The following TOMM5 variants were observed in gnomAD, a reference collection of about 807,000 sequenced individuals.
The protein encoded by TOMM5 is translocase of outer mitochondrial membrane 5.
A neutral mutation model predicts 4.8 loss-of-function variants in TOMM5; 1 was observed. The ratio of observed to expected loss-of-function variants is 0.21; its 90% CI spans 0.07 to 0.99. TOMM5 has a LOEUF of 0.99. Among genes scored for constraint, TOMM5 ranks in the 50% least tolerant of loss-of-function variants. TOMM5 has a pLI of 0.60. For synonymous variants in TOMM5, 26 were observed against 26.7 expected, an observed-to-expected ratio of 0.97 and a Z score of 0.08; for missense variants, 60 against 66.6, an observed-to-expected ratio of 0.90 and a Z score of 0.35.
intron 1 of TOMM5, 49 bp downstream of exon 1, chr9:37,592,362 GT>G (rs1335537909): frequency 6.2e-7 from 1 of 1,612,462 alleles, no homozygotes; most frequent in Non-Finnish European, 8.5e-7. Flanking sequence ...AGGGGTGCCC[GT>G]CGGTGAGCTC....
At position 37,592,534 on chromosome 9, in the gene TOMM5, G is replaced by A; in HGVS notation, c.-2C>T. ...CGCGAGGCCCTCAATCCGGAACATC[G>A]CGGCTCTGACTTAGCAGCTTCCAGC... On this transcript the variant is annotated 5_prime_UTR_variant, in exon 1 of 2. Transcript: ENST00000321301. 2 of 1,612,330 alleles carry A rather than the reference G, an allele frequency of 1.2e-6. No individual in the cohort carries two copies. Among genetic ancestry groups the A allele is most frequent in the Non-Finnish European group, 8.5e-7 (1 of 1,179,330 alleles).
intron 1 of TOMM5, among the ~76,000 whole-genome samples, chr9:37,589,552 C>CAA (rs112972730): frequency 1.3e-5 from 2 of 151,538 alleles, no homozygotes; most frequent in African/African-American, 4.8e-5. Context: ...GTGTTGTGAC[C>CAA]AAAAAAAAGC....
At chr9:37,590,600 A>C (rs1823085084) in intron 1 of TOMM5, among the ~76,000 whole-genome samples, 1 of 152,230 alleles carries the variant, frequency 6.6e-6, no homozygotes, top group African/African-American at 2.4e-5. Context: ...TGTACACCTT[A>C]AATGGGTATA....
rs1260008190 is a variant in TOMM5 at position 37,591,553 on chromosome 9, G to A, written c.121+859C>T. The stretch of plus-strand genomic sequence containing the variant: ...CTAAAAATACAAAAATTAGCCGGGC[G>A]TGGTGGCGCGCGCCTGTAATCTCAG... On this transcript the variant is annotated intron_variant, in intron 1 of 1. Transcript: ENST00000321301. 6.6e-5 allele frequency among the ~76,000 whole-genome samples: 10 copies of A among 151,952 alleles called. No homozygotes were observed. In the South Asian group the frequency reaches 1.5e-3, roughly 22 times the overall value.
chr9:37,592,232 C>T, intron 1 of TOMM5, 180 bp downstream of exon 1: 4 of 1,537,440 alleles, frequency 2.6e-6, no homozygotes, highest in South Asian at 1.2e-5. Flanking sequence ...CACTTCAGTG[C>T]CCGGACCCTG....
intron 1 of TOMM5, among the ~76,000 whole-genome samples, chr9:37,590,124 G>C (rs1588873754): frequency 6.6e-6 from 1 of 152,176 alleles, no homozygotes; most frequent in Non-Finnish European, 1.5e-5. Context: ...AGGTGTGGTG[G>C]ACCACACCTG....
At chr9:37,589,978 T>G (rs1039729687) in intron 1 of TOMM5, among the ~76,000 whole-genome samples, 4 of 152,238 alleles carry the variant, frequency 2.6e-5, no homozygotes, top group Admixed American at 2.6e-4. Context: ...CAACAGAAAC[T>G]TATTTAGCTA....
rs1823050325 is a variant in TOMM5 at position 37,588,486 on chromosome 9, T to G, written c.*412A>C. ...GTGCTTAAATGTCATTGTGGTTGTG[T>G]GCTGATTTCCACAAAACATAATATA... is the stretch of plus-strand genomic sequence containing the variant. On this transcript the variant is annotated 3_prime_UTR_variant, in exon 2 of 2. Transcript: ENST00000321301. 1 of 306,252 alleles carries G rather than the reference T, an allele frequency of 3.3e-6. No homozygotes were observed. The highest frequency in any genetic ancestry group is 3.2e-5 in the South Asian group (1 of 31,260). The allele number at this position is 306,252 out of a possible 1,614,324, so 19.0% of individuals were successfully genotyped here. A position where few individuals can be genotyped will look rare whatever the true frequency, so the allele number is the denominator to read the frequency against.
chr9:37,592,234 C>T (rs1412866990), intron 1 of TOMM5, 178 bp downstream of exon 1: 11 of 1,538,032 alleles, frequency 7.2e-6, no homozygotes, highest in East Asian at 2.5e-5. Flanking sequence ...CTTCAGTGCC[C>T]GGACCCTGAC....
Position 37,592,518 on chromosome 9 carries a change from C to G in TOMM5, c.15G>C (p.Glu5Asp), listed in dbSNP as rs746870599. 1.9e-6 allele frequency: 3 copies of G among 1,613,320 alleles called. No homozygotes were observed. In the African/African-American group the frequency reaches 4.0e-5, roughly 22 times the overall value. Residue 5 changes from glutamate to aspartate, a missense_variant, in exon 1 of 2, where the codon GAG becomes GAC. Physicochemically the swap from Glu to Asp is conservative, Grantham distance 45 (BLOSUM62 2). Transcript: ENST00000321301. MFRI[E>D]GLAPKLDPEE... The stretch of plus-strand genomic sequence containing the variant: ...CCGGGTCCAGCTTCGGCGCGAGGCC[C>G]TCAATCCGGAACATCGCGGCTCTGA...
intron 1 of TOMM5, among the ~76,000 whole-genome samples, chr9:37,590,910 G>A (rs1823089937): frequency 6.6e-6 from 1 of 152,210 alleles, no homozygotes; most frequent in Non-Finnish European, 1.5e-5. Context: ...CCCAACATGA[G>A]CCTTCAATAG....
chr9:37,592,356 G>A, intron 1 of TOMM5, 56 bp downstream of exon 1: 1 of 1,611,576 alleles, frequency 6.2e-7, no homozygotes, highest in Non-Finnish European at 8.5e-7. Context: ...GAGTTAAGGG[G>A]TGCCCGTCGG....
At chr9:37,591,483 G>A (rs957985269) in intron 1 of TOMM5, among the ~76,000 whole-genome samples, 1 of 152,024 alleles carries the variant, frequency 6.6e-6, no homozygotes, top group African/African-American at 2.4e-5. Context: ...CTGAGGTCAG[G>A]AGTTCGAGAC....
chr9:37,592,210 G>T, intron 1 of TOMM5: 1 of 1,512,500 alleles, frequency 6.6e-7, no homozygotes, highest in South Asian at 1.2e-5. Context: ...CACGCGCGCC[G>T]GCCACCACGT....
chr9:37,591,560 C>T (rs1823102053), intron 1 of TOMM5, among the ~76,000 whole-genome samples: 3 of 151,806 alleles, frequency 2.0e-5, no homozygotes, highest in African/African-American at 7.3e-5. Context: ...GGCGTGGTGG[C>T]GCGCGCCTGT....
rs150489805 is a variant in TOMM5, at chr9:37,592,494, C to T, written c.39G>A (p.Pro13=). Residue 13 remains proline (P), a synonymous_variant, in exon 1 of 2, where the codon CCG becomes CCA. Coordinates refer to ENST00000321301, the MANE Select transcript of TOMM5 (RefSeq NM_001001790.3). The stretch of plus-strand genomic sequence containing the variant: ...CGCGCATCTTCCGTTTCATCTCCTC[C>T]GGGTCCAGCTTCGGCGCGAGGCCCT... The part of the protein sequence containing the change: ...RIEGLAPKLD[P]EEMKRKMRED... 9.1e-4 allele frequency: 1,461 copies of T among 1,613,990 alleles called. 1 individual carries two copies. The highest frequency in any genetic ancestry group is 1.2e-3 in the Non-Finnish European group (1,395 of 1,180,016).
chr9:37,592,365 G>T, intron 1 of TOMM5, 47 bp downstream of exon 1: 1 of 1,612,798 alleles, frequency 6.2e-7, no homozygotes, highest in Non-Finnish European at 8.5e-7. Flanking sequence ...GGTGCCCGTC[G>T]GTGAGCTCCC....
At position 37,588,699 on chromosome 9, in the gene TOMM5, C is replaced by T. The variant is rs1387577035; in HGVS notation, c.*199G>A. ...GATAAGGGTACACCAGATCACGAGA[C>T]ATCGTTTCATACTTCCCAAATAGTT... On this transcript the variant is annotated 3_prime_UTR_variant, in exon 2 of 2. Coordinates refer to ENST00000321301, the MANE Select transcript of TOMM5 (RefSeq NM_001001790.3). The T allele has an allele frequency of 2.9e-6, 2 of 698,764 alleles. No individual in the cohort carries two copies. The highest frequency in any genetic ancestry group is 1.8e-5 in the African/African-American group (1 of 57,042). The allele number at this position is 698,764 out of a possible 1,614,324, so 43.3% of individuals were successfully genotyped here.
rs1490617533 is a variant in TOMM5, at chr9:37,592,225, T to C, written c.121+187A>G. 12 of 1,531,236 alleles carry C rather than the reference T, an allele frequency of 7.8e-6. No individual in the cohort carries two copies. The Admixed American group carries it at 1.2e-4, about 15-fold the overall frequency. 94.9% of individuals were successfully genotyped at this position (1,531,236 alleles called of 1,614,324 possible). A position where few individuals can be genotyped will look rare whatever the true frequency, so the allele number is the denominator to read the frequency against. Reference sequence around the variant, plus strand: ...CACGCGCGCCGGCCACCACGTGCACTTCAGTGCCCGGACCCTGACCCGCAG... The same window carrying C: ...CACGCGCGCCGGCCACCACGTGCACCTCAGTGCCCGGACCCTGACCCGCAG... On this transcript the variant is annotated intron_variant, in intron 1 of 1. Coordinates refer to ENST00000321301, the MANE Select transcript of TOMM5 (RefSeq NM_001001790.3).
Sources: gnomAD v4.1 joint callset for allele counts (sites outside exome capture counted in the v4.1 genomes callset) on GRCh38, gnomAD v4.1.1 for gene constraint, MANE v1.5 for transcripts, NCBI Gene and HGNC (gene_info 2026-07-23, HGNC 2026-07-21) for gene names.